The following CSMD1 variants were observed in gnomAD, a reference collection of about 807,000 sequenced individuals.
CSMD1 encodes CUB and Sushi multiple domains 1.
CSMD1 carries 213 observed loss-of-function variants against 417.5 expected under a neutral mutation model. That is an observed-to-expected ratio of 0.51 (90% confidence interval 0.46 to 0.57). The LOEUF is 0.57. Among genes scored for constraint, CSMD1 ranks in the 20% least tolerant of loss-of-function variants. CSMD1 has a pLI of 0.00. For synonymous variants in CSMD1, 2,862 were observed against 1,736.8 expected (o/e 1.65, Z -16.11); for missense variants, 6,923 against 4,529.7 (o/e 1.53, Z -15.17).
At chr8:4,360,729 C>T (rs906141697) in intron 3 of CSMD1, among the ~76,000 whole-genome samples, 1 of 151,610 alleles carries the variant, frequency 6.6e-6, no homozygotes, top group Non-Finnish European at 1.5e-5. Context: ...CTCCTGACCT[C>T]GTGATCCGCC....
At chr8:3,396,939 A>C (rs1364761764) in intron 16 of CSMD1, among the ~76,000 whole-genome samples, 1 of 152,168 alleles carries the variant, frequency 6.6e-6, no homozygotes, top group East Asian at 1.9e-4. Flanking sequence ...CATTAGAACA[A>C]CCATGGGTAT....
chr8:3,754,927 G>A (rs749989845), intron 5 of CSMD1, among the ~76,000 whole-genome samples: 6 of 151,748 alleles, frequency 4.0e-5, no homozygotes, highest in Non-Finnish European at 8.8e-5. Context: ...CTGCAAAAGA[G>A]ATTTGAAATG....
chr8:3,031,171 A>C (rs1810315855), intron 50 of CSMD1, among the ~76,000 whole-genome samples: 1 of 151,940 alleles, frequency 6.6e-6, no homozygotes, highest in African/African-American at 2.4e-5. Context: ...TTATAACTCA[A>C]CTTGAATCTG....
intron 1 of CSMD1, among the ~76,000 whole-genome samples, chr8:4,726,167 C>T (rs1217122354): frequency 6.6e-6 from 1 of 152,074 alleles, no homozygotes; most frequent in Non-Finnish European, 1.5e-5. Flanking sequence ...AATACAAAAC[C>T]TACAGTTGGT....
chr8:3,673,140 T>A (rs1211459467), intron 7 of CSMD1, among the ~76,000 whole-genome samples: 1 of 152,206 alleles, frequency 6.6e-6, no homozygotes, highest in Non-Finnish European at 1.5e-5. Flanking sequence ...AGGAAGATAT[T>A]AAAGGAAACT....
At chr8:4,256,145 A>G (rs537097202) in intron 3 of CSMD1, among the ~76,000 whole-genome samples, 1 of 152,274 alleles carries the variant, frequency 6.6e-6, no homozygotes, top group African/African-American at 2.4e-5. Context: ...ACTAATCACT[A>G]TGTAGCCTGC....
At position 4,057,100 on chromosome 8, in the gene CSMD1, G is replaced by C. The variant is rs371057282; in HGVS notation, c.416-25001C>G. ...GGTATTTGTAGTTCTAGATCCCTGA[G>C]GAATCGCCACACTGACTTCCACAAG... On this transcript the variant is annotated intron_variant, in intron 3 of 69. Transcript: ENST00000635120. Among the ~76,000 whole-genome samples, 74 of 152,298 alleles carry C rather than the reference G, an allele frequency of 4.9e-4. No homozygotes were observed. The East Asian group carries it at 0.012, about 25-fold the overall frequency.
intron 5 of CSMD1, among the ~76,000 whole-genome samples, chr8:3,991,264 G>A (rs1814725849): frequency 6.6e-6 from 1 of 152,182 alleles, no homozygotes; most frequent in Non-Finnish European, 1.5e-5. Context: ...AGAATTAGCT[G>A]GTATTGAAAG....
chr8:3,897,062 T>C (rs1807419494), intron 5 of CSMD1, among the ~76,000 whole-genome samples: 1 of 152,102 alleles, frequency 6.6e-6, no homozygotes, highest in African/African-American at 2.4e-5. Context: ...GGGAAATTAT[T>C]GTACTGGAAG....
intron 49 of CSMD1, among the ~76,000 whole-genome samples, chr8:3,057,931 A>T (rs539879276): frequency 3.1e-4 from 47 of 152,116 alleles, no homozygotes; most frequent in Non-Finnish European, 6.0e-4. Flanking sequence ...ACCTCACCAA[A>T]ACCTTCCCCT....
At chr8:3,068,587 G>GA (rs761338560) in intron 49 of CSMD1, among the ~76,000 whole-genome samples, 4 of 152,220 alleles carry the variant, frequency 2.6e-5, no homozygotes, top group South Asian at 2.1e-4. Context: ...GGCTGTACGG[G>GA]AAACAAGGTG....
At chr8:4,033,630 G>A (rs1044764255) in intron 3 of CSMD1, among the ~76,000 whole-genome samples, 5 of 152,148 alleles carry the variant, frequency 3.3e-5, no homozygotes, top group African/African-American at 9.7e-5. Context: ...CTTGTTCTCA[G>A]GACCTCCTGA....
chr8:4,007,315 C>G (rs766129709), intron 4 of CSMD1, among the ~76,000 whole-genome samples: 5 of 152,176 alleles, frequency 3.3e-5, no homozygotes, highest in African/African-American at 9.7e-5. Context: ...TCTTCTGTTC[C>G]TCATCCTCCA....
At chr8:3,716,029 C>T (rs1159746083) in intron 6 of CSMD1, among the ~76,000 whole-genome samples, 1 of 152,140 alleles carries the variant, frequency 6.6e-6, no homozygotes, top group East Asian at 1.9e-4. Context: ...TTCTCTGTTG[C>T]TAAATATTTT....
chr8:3,848,662 T>C (rs1585086524), intron 5 of CSMD1, among the ~76,000 whole-genome samples: 2 of 152,176 alleles, frequency 1.3e-5, no homozygotes, highest in Non-Finnish European at 2.9e-5. Context: ...GCCAGATTTT[T>C]CATTTCAGAT....
chr8:4,847,534 T>A (rs189580850), intron 1 of CSMD1, among the ~76,000 whole-genome samples: 1 of 152,300 alleles, frequency 6.6e-6, no homozygotes, highest in Admixed American at 6.5e-5. Flanking sequence ...TCATGGTTAG[T>A]GGGCCGATAC....
intron 5 of CSMD1, among the ~76,000 whole-genome samples, chr8:3,962,964 T>A (rs1812429061): frequency 6.6e-6 from 1 of 152,220 alleles, no homozygotes; most frequent in Non-Finnish European, 1.5e-5. Context: ...TTAGATGGAC[T>A]CTTGCTCCGT....
chr8:4,970,537 G>T (rs1282183960), intron 1 of CSMD1, among the ~76,000 whole-genome samples: 4 of 151,884 alleles, frequency 2.6e-5, no homozygotes, highest in Non-Finnish European at 5.9e-5. Context: ...ATATATTATG[G>T]TAACTTTGGA....
chr8:2,958,709 C>G (rs140870235), intron 62 of CSMD1, among the ~76,000 whole-genome samples: 1 of 152,200 alleles, frequency 6.6e-6, no homozygotes, highest in African/African-American at 2.4e-5. Context: ...GGCTTGGGAC[C>G]AGATTATTTC....
Sources: gnomAD v4.1 joint callset for allele counts (sites outside exome capture counted in the v4.1 genomes callset) on GRCh38, gnomAD v4.1.1 for gene constraint, MANE v1.5 for transcripts, NCBI Gene and HGNC (gene_info 2026-07-23, HGNC 2026-07-21) for gene names.